The following PAQR5 variants were observed in gnomAD, a reference collection of about 807,000 sequenced individuals.
PAQR5 encodes the protein progestin and adipoQ receptor family member 5, also known as membrane progestin receptor gamma.
Under a neutral mutation model 34.5 loss-of-function variants are expected in PAQR5, and 20 were observed. The observed-to-expected ratio is 0.58, with a 90% CI of 0.41 to 0.84. The LOEUF (loss-of-function observed/expected upper bound fraction) is 0.84. Ranked by LOEUF, PAQR5 falls within the 40% of genes least tolerant of loss-of-function variation. PAQR5 has a pLI of 0.00. For missense variants in PAQR5, 378 were observed against 412.7 expected (o/e 0.92, Z 0.73); for synonymous variants, 131 against 155.6 (o/e 0.84, Z 1.18).
At position 69,334,304 on chromosome 15, in the gene PAQR5, A is replaced by C. The variant is rs566324053; in HGVS notation, c.-276-3037A>C. 1.1e-4 allele frequency among the ~76,000 whole-genome samples: 17 copies of C among 152,350 alleles called. No homozygotes were observed. The South Asian group carries it at 1.4e-3, about 13-fold the overall frequency. On this transcript the variant is annotated intron_variant, in intron 1 of 8. Transcript: ENST00000395407. The stretch of plus-strand genomic sequence containing the variant: ...CGGCCTTCCAAAGTGCTGGGATAAC[A>C]GGCATGAGCCACTGCACCCGACCTG...
chr15:69,389,530 A>T, intron 5 of PAQR5, 124 bp from the exon 6 acceptor site: 1 of 1,230,544 alleles, frequency 8.1e-7, no homozygotes. Flanking sequence ...GGCACCAGCG[A>T]GGGCGCAGAG....
intron 1 of PAQR5, among the ~76,000 whole-genome samples, chr15:69,316,708 C>T (rs763752371): frequency 7.2e-5 from 11 of 152,330 alleles, no homozygotes; most frequent in African/African-American, 2.4e-4. Context: ...GGGGCTTACA[C>T]TTACTAATGC....
chr15:69,319,191 A>T lies in PAQR5; in HGVS notation c.-276-18150A>T, dbSNP rs75871046. Among the ~76,000 whole-genome samples, 286 of 32,014 alleles carry T rather than the reference A, an allele frequency of 8.9e-3. 11 individuals carry two copies. The highest frequency in any genetic ancestry group is 0.011 in the South Asian group (9 of 826). The allele number at this position is 32,014 out of a possible 152,430, so 21.0% of individuals were successfully genotyped here. A position where few individuals can be genotyped will look rare whatever the true frequency, so the allele number is the denominator to read the frequency against. ...TATATATATATATATATATATATAT[A>T]TATATATATATATATATATATGAAT... On this transcript the variant is annotated intron_variant, in intron 1 of 8. Transcript: ENST00000395407.
intron 1 of PAQR5, among the ~76,000 whole-genome samples, chr15:69,336,149 AT>A (rs887118922): frequency 6.6e-5 from 10 of 152,150 alleles, no homozygotes; most frequent in African/African-American, 2.4e-4. Context: ...TTTTAAAAAA[AT>A]TTTTTGGAGT....
At chr15:69,384,630 G>A in intron 4 of PAQR5, 47 bp from the exon 5 acceptor site, 1 of 1,328,106 alleles carries the variant, frequency 7.5e-7, no homozygotes, top group Non-Finnish European at 1.1e-6. Flanking sequence ...GGGTGAGCGG[G>A]CCCTCTGTGT....
At chr15:69,299,241 C>A (rs1317107888) in intron 1 of PAQR5, among the ~76,000 whole-genome samples, 185 bp downstream of exon 1, 3 of 152,138 alleles carry the variant, frequency 2.0e-5, no homozygotes, top group African/African-American at 7.2e-5. Context: ...CGGCGCGGCT[C>A]GGCCACTTTC....
chr15:69,357,056 G>GTCTC (rs936927250), intron 2 of PAQR5, among the ~76,000 whole-genome samples: 1 of 151,196 alleles, frequency 6.6e-6, no homozygotes, highest in East Asian at 1.9e-4. Context: ...CCCACCCACT[G>GTCTC]TCTCTCTCTC....
At chr15:69,304,803 G>A (rs113247600) in intron 1 of PAQR5, among the ~76,000 whole-genome samples, 3,354 of 152,198 alleles carry the variant, frequency 0.022, 123 homozygotes, top group African/African-American at 0.076. Flanking sequence ...CACCTTGGTG[G>A]GATTCATTTG....
intron 3 of PAQR5, among the ~76,000 whole-genome samples, chr15:69,366,512 G>A (rs2055406746): frequency 6.6e-6 from 1 of 152,198 alleles, no homozygotes; most frequent in East Asian, 1.9e-4. Context: ...ATGCTTCCAA[G>A]TATATGGAGT....
intron 6 of PAQR5, among the ~76,000 whole-genome samples, chr15:69,396,504 C>T (rs1277763392): frequency 6.6e-6 from 1 of 152,174 alleles, no homozygotes; most frequent in Admixed American, 6.5e-5. Context: ...GGGTTCCTTA[C>T]CCTGCAGCCC....
chr15:69,302,444 G>T (rs2053626806), intron 1 of PAQR5, among the ~76,000 whole-genome samples: 1 of 152,168 alleles, frequency 6.6e-6, no homozygotes, highest in South Asian at 2.1e-4. Context: ...CCATGCAGGG[G>T]AGGATCAGTA....
intron 6 of PAQR5, among the ~76,000 whole-genome samples, chr15:69,393,968 G>T (rs1226200328): frequency 6.6e-6 from 1 of 152,174 alleles, no homozygotes; most frequent in African/African-American, 2.4e-5. Flanking sequence ...CAAGGTGGGG[G>T]TGGCCGAGGC....
intron 1 of PAQR5, among the ~76,000 whole-genome samples, chr15:69,319,517 CA>C (rs970106375): frequency 8.6e-5 from 13 of 151,840 alleles, no homozygotes; most frequent in Non-Finnish European, 1.5e-4. Flanking sequence ...CCCCAGGCAG[CA>C]CCCCAAGGGA....
chr15:69,382,979 G>A (rs753674206), intron 4 of PAQR5: 1 of 151,568 alleles, frequency 6.6e-6, no homozygotes, highest in South Asian at 2.1e-4. Context: ...GGGAGGTAAT[G>A]AGCCCCCCAT....
intron 7 of PAQR5, among the ~76,000 whole-genome samples, chr15:69,398,533 C>T (rs937926490): frequency 2.6e-5 from 4 of 152,156 alleles, no homozygotes; most frequent in Admixed American, 2.0e-4. Flanking sequence ...CTAGAGGCAG[C>T]GTCCTGTGGG....
rs2056732583 is a variant in PAQR5, at chr15:69,404,874, G to A, written c.*1052G>A. 1 of 398,300 alleles carries A rather than the reference G, an allele frequency of 2.5e-6. No homozygotes were observed. The highest frequency in any genetic ancestry group is 4.4e-5 in the Admixed American group (1 of 22,710). The allele number at this position is 398,300 out of a possible 1,614,324, so 24.7% of individuals were successfully genotyped here. On this transcript the variant is annotated 3_prime_UTR_variant, in exon 9 of 9. Coordinates refer to ENST00000395407, the MANE Select transcript of PAQR5 (RefSeq NM_017705.4). ...GGGGTTCTGCTTCACTAGGTTAAAT[G>A]TAGGTTTTGTAGAGGAGATCTGCAC...
intron 3 of PAQR5, among the ~76,000 whole-genome samples, chr15:69,365,363 C>A (rs895701164): frequency 1.3e-5 from 2 of 152,168 alleles, no homozygotes; most frequent in African/African-American, 2.4e-5. Context: ...CTGCCTCAGC[C>A]TCCCAAAGTG....
At chr15:69,398,156 A>G (rs190935123) in intron 7 of PAQR5, among the ~76,000 whole-genome samples, 20 of 152,274 alleles carry the variant, frequency 1.3e-4, no homozygotes, top group Admixed American at 1.1e-3. Context: ...TGGTAGCAAG[A>G]GTTCGGGAAT....
At chr15:69,318,633 C>T (rs2054007884) in intron 1 of PAQR5, among the ~76,000 whole-genome samples, 1 of 151,944 alleles carries the variant, frequency 6.6e-6, no homozygotes, top group Non-Finnish European at 1.5e-5. Flanking sequence ...TCACCTTGTC[C>T]TGCTAGTACA....
Sources: gnomAD v4.1 joint callset for allele counts (sites outside exome capture counted in the v4.1 genomes callset) on GRCh38, gnomAD v4.1.1 for gene constraint, MANE v1.5 for transcripts, NCBI Gene and HGNC (gene_info 2026-07-23, HGNC 2026-07-21) for gene names.